The following LMX1A variants were observed in gnomAD, a reference collection of about 807,000 sequenced individuals.
LMX1A encodes the protein LIM homeobox transcription factor 1 alpha.
LMX1A carries 15 observed loss-of-function variants against 49.1 expected under a neutral mutation model. The ratio of observed to expected loss-of-function variants is 0.31; its 90% CI spans 0.20 to 0.47. The LOEUF (loss-of-function observed/expected upper bound fraction) is 0.47. Ranked by LOEUF, LMX1A falls within the 20% of genes least tolerant of loss-of-function variation. The probability of loss-of-function intolerance (pLI) is 1.00; values close to 1 mark genes in which losing one functional copy is unlikely to be tolerated. For missense variants in LMX1A, 372 were observed against 475.8 expected (o/e 0.78, Z 2.03); for synonymous variants, 167 against 185.7 (o/e 0.90, Z 0.82).
chr1:165,255,763 C>T (rs1459744558), intron 3 of LMX1A, among the ~76,000 whole-genome samples: 2 of 152,114 alleles, frequency 1.3e-5, no homozygotes, highest in African/African-American at 2.4e-5. Flanking sequence ...CACCTGAGGT[C>T]GGGAGGTCGA....
intron 2 of LMX1A, 94 bp from the exon 3 acceptor site, chr1:165,353,356 C>T (rs1656492262): frequency 1.0e-6 from 1 of 984,840 alleles, no homozygotes; most frequent in African/African-American, 1.6e-5. Flanking sequence ...TTCACATCCA[C>T]GGATTCCCCC....
intron 4 of LMX1A, among the ~76,000 whole-genome samples, chr1:165,248,216 A>T (rs1652926508): frequency 6.6e-6 from 1 of 152,108 alleles, no homozygotes; most frequent in Admixed American, 6.5e-5. Flanking sequence ...AAGAGGCTGA[A>T]AAGGAATAGA....
chr1:165,237,525 C>T (rs1402650378), intron 4 of LMX1A, among the ~76,000 whole-genome samples: 2 of 152,140 alleles, frequency 1.3e-5, no homozygotes, highest in Non-Finnish European at 2.9e-5. Flanking sequence ...TCCCACCTAG[C>T]ACACCCATGC....
Position 165,340,364 on chromosome 1 carries a change from TG to T in LMX1A, c.263+12711del, listed in dbSNP as rs1459687673. ...CACCCACCTCAGCCTCCCAAAGTGC[TG>T]GGATTACAGGCATGAGCCACTGTAC... On this transcript the variant is annotated intron_variant, in intron 3 of 8. Transcript: ENST00000342310. Among the ~76,000 whole-genome samples, 8 of 152,278 alleles carry T rather than the reference TG, an allele frequency of 5.3e-5. No individual in the cohort carries two copies. In the East Asian group the frequency reaches 1.5e-3, roughly 29 times the overall value.
At chr1:165,325,946 C>T (rs1207217534) in intron 3 of LMX1A, among the ~76,000 whole-genome samples, 1 of 152,174 alleles carries the variant, frequency 6.6e-6, no homozygotes, top group Non-Finnish European at 1.5e-5. Flanking sequence ...GCCTGCCTGC[C>T]TCCTCTTCCT....
At chr1:165,329,585 G>C (rs1479116881) in intron 3 of LMX1A, among the ~76,000 whole-genome samples, 1 of 151,830 alleles carries the variant, frequency 6.6e-6, no homozygotes, top group Non-Finnish European at 1.5e-5. Flanking sequence ...GTAGTTGAAG[G>C]CAGAGGCAGT....
Position 165,217,327 on chromosome 1 carries a change from C to T in LMX1A, c.497-3514G>A, listed in dbSNP as rs192518889. 8.5e-5 allele frequency among the ~76,000 whole-genome samples: 13 copies of T among 152,246 alleles called. No individual in the cohort carries two copies. The East Asian group carries it at 2.3e-3, about 27-fold the overall frequency. ...CTCCTACTGCTGTTGCTGTACTCAG[C>T]CTTGCCTGGGACATGTGTACATCCC... On this transcript the variant is annotated intron_variant, in intron 4 of 8. Coordinates refer to ENST00000342310, the MANE Select transcript of LMX1A (RefSeq NM_177398.4).
chr1:165,234,604 G>A (rs1652363762), intron 4 of LMX1A, among the ~76,000 whole-genome samples: 1 of 152,110 alleles, frequency 6.6e-6, no homozygotes. Context: ...AATGTTTGCT[G>A]AACTGGCCTC....
chr1:165,269,872 A>C (rs1653743347), intron 3 of LMX1A, among the ~76,000 whole-genome samples: 1 of 152,108 alleles, frequency 6.6e-6, no homozygotes, highest in Non-Finnish European at 1.5e-5. Flanking sequence ...GGAGGGGAAC[A>C]ACACTTACTG....
chr1:165,231,426 C>A lies in LMX1A; in HGVS notation c.497-17613G>T, dbSNP rs74365593. ...TCAACCATCCTACAGCCTCAGCCTC[C>A]TGAGTAGCTGAGACTAATTAGCCTG... On this transcript the variant is annotated intron_variant, in intron 4 of 8. Transcript: ENST00000342310. Among the ~76,000 whole-genome samples the A allele has an allele frequency of 1.5e-3, 224 of 152,192 alleles. 1 individual carries two copies. Among genetic ancestry groups the A allele is most frequent in the African/African-American group, 5.1e-3 (212 of 41,528 alleles).
intron 4 of LMX1A, among the ~76,000 whole-genome samples, chr1:165,244,804 T>C (rs1652782497): frequency 6.6e-6 from 1 of 151,836 alleles, no homozygotes; most frequent in Non-Finnish European, 1.5e-5. Flanking sequence ...CTCTAGAAGT[T>C]TGTAAATGTT....
intron 4 of LMX1A, among the ~76,000 whole-genome samples, chr1:165,228,757 T>G (rs1652134441): frequency 6.6e-6 from 1 of 152,128 alleles, no homozygotes; most frequent in Non-Finnish European, 1.5e-5. Flanking sequence ...TAGAATTCAT[T>G]GGAAATTAGT....
intron 3 of LMX1A, among the ~76,000 whole-genome samples, chr1:165,327,772 T>C (rs1178338460): frequency 2.0e-5 from 3 of 152,202 alleles, no homozygotes; most frequent in African/African-American, 7.2e-5. Context: ...ATCCAGTCCC[T>C]CTTCAACAAG....
intron 4 of LMX1A, among the ~76,000 whole-genome samples, chr1:165,221,605 G>C (rs968598174): frequency 6.6e-6 from 1 of 152,154 alleles, no homozygotes; most frequent in African/African-American, 2.4e-5. Context: ...GGCCAGGCAG[G>C]GGGAGGGACC....
At chr1:165,250,043 C>T (rs904305269) in intron 3 of LMX1A, among the ~76,000 whole-genome samples, 4 of 149,818 alleles carry the variant, frequency 2.7e-5, no homozygotes, top group Admixed American at 6.7e-5. Flanking sequence ...CACATGGACA[C>T]AGGGAGGGGA....
intron 3 of LMX1A, among the ~76,000 whole-genome samples, chr1:165,352,798 G>C (rs976657939): frequency 3.3e-5 from 5 of 152,240 alleles, no homozygotes; most frequent in African/African-American, 1.2e-4. Context: ...TCAGAGAAAG[G>C]GGCCTGGAAG....
chr1:165,331,140 A>G (rs1419242942), intron 3 of LMX1A, among the ~76,000 whole-genome samples: 1 of 152,242 alleles, frequency 6.6e-6, no homozygotes, highest in Non-Finnish European at 1.5e-5. Context: ...AAGAGGAAGG[A>G]TGATCAACAG....
chr1:165,353,872 T>C (rs1182896475), intron 2 of LMX1A, among the ~76,000 whole-genome samples: 1 of 152,136 alleles, frequency 6.6e-6, no homozygotes, highest in Non-Finnish European at 1.5e-5. Context: ...ACATGGGTTT[T>C]TGATAACTAA....
chr1:165,208,146 G>T lies in LMX1A; in HGVS notation c.748-14C>A, dbSNP rs755372002. The T allele has an allele frequency of 5.6e-6, 9 of 1,613,342 alleles. No homozygotes were observed. The African/African-American group carries it at 8.0e-5, about 14-fold the overall frequency. On this transcript the variant is annotated splice_polypyrimidine_tract_variant and intron_variant, in intron 6 of 8. Coordinates refer to ENST00000342310, the MANE Select transcript of LMX1A (RefSeq NM_177398.4). ...CAGCTTCTTCATCTGATAAGGAGAG[G>T]ACCATAGGATTAGAAGTCAGGTGGC...
Sources: gnomAD v4.1 joint callset for allele counts (sites outside exome capture counted in the v4.1 genomes callset) on GRCh38, gnomAD v4.1.1 for gene constraint, MANE v1.5 for transcripts, NCBI Gene and HGNC (gene_info 2026-07-23, HGNC 2026-07-21) for gene names.